Variants in SAMD4A observed in about 807,000 individuals in gnomAD.
SAMD4A encodes the protein sterile alpha motif domain containing 4A.
A neutral mutation model predicts 81.3 loss-of-function variants in SAMD4A; 33 were observed. That is an observed-to-expected ratio of 0.41 (90% confidence interval 0.31 to 0.54). The LOEUF is 0.54. SAMD4A is among the 20% of genes least tolerant of loss of function. The probability of loss-of-function intolerance (pLI) is 0.37; values close to 1 mark genes in which losing one functional copy is unlikely to be tolerated. For synonymous variants in SAMD4A, 389 were observed against 382.1 expected, an observed-to-expected ratio of 1.02 and a Z score of -0.21; for missense variants, 854 against 951.1, an observed-to-expected ratio of 0.90 and a Z score of 1.34.
chr14:54,705,569 AGTTTTT>A (rs10590246), intron 3 of SAMD4A, among the ~76,000 whole-genome samples: 103,570 of 151,300 alleles, frequency 0.68, 36,034 homozygotes, highest in Admixed American at 0.74. Flanking sequence ...CCACCTCCTT[AGTTTTT>A]GTTTTTGTTT....
intron 2 of SAMD4A, among the ~76,000 whole-genome samples, chr14:54,603,503 T>C (rs1189519249): frequency 3.3e-5 from 5 of 152,238 alleles, no homozygotes; most frequent in African/African-American, 1.2e-4. Context: ...CCCAGTTCTG[T>C]TCTGAGTCCA....
chr14:54,659,389 T>C (rs1377112549), intron 2 of SAMD4A, among the ~76,000 whole-genome samples: 7 of 151,610 alleles, frequency 4.6e-5, no homozygotes, highest in African/African-American at 1.7e-4. Context: ...ATCAGAGCTC[T>C]GTGTGTGTGT....
chr14:54,670,424 C>T (rs997609959), intron 2 of SAMD4A, among the ~76,000 whole-genome samples: 5 of 152,142 alleles, frequency 3.3e-5, no homozygotes, highest in African/African-American at 7.2e-5. Flanking sequence ...TTACAGAAAG[C>T]GAAGCTCCTT....
chr14:54,598,039 A>G (rs1302824056), intron 2 of SAMD4A, among the ~76,000 whole-genome samples: 1 of 152,184 alleles, frequency 6.6e-6, no homozygotes, highest in Non-Finnish European at 1.5e-5. Flanking sequence ...TGGAAGATGC[A>G]CTTCTCTACA....
chr14:54,788,476 CCCT>C (rs2039196074), intron 12 of SAMD4A, among the ~76,000 whole-genome samples: 1 of 152,168 alleles, frequency 6.6e-6, no homozygotes, highest in South Asian at 2.1e-4. Context: ...ACCATCCCCA[CCCT>C]CCTCCTCCTG....
chr14:54,572,043 A>G (rs764286407), intron 2 of SAMD4A, among the ~76,000 whole-genome samples: 1 of 151,940 alleles, frequency 6.6e-6, no homozygotes, highest in African/African-American at 2.4e-5. Flanking sequence ...TAGTTTTTTC[A>G]TTCATTTATT....
chr14:54,724,003 TGGATGGAAGGAAGGAAGGAA>T (rs1161023410), intron 3 of SAMD4A, among the ~76,000 whole-genome samples: 1 of 56,458 alleles, frequency 1.8e-5, no homozygotes, highest in African/African-American at 4.8e-5. Flanking sequence ...GATGGATGGA[TGGATGGAAGGAAGGAAGGAA>T]GGAAGGAAGG....
At chr14:54,784,269 T>C in intron 11 of SAMD4A, 1 of 1,255,824 alleles carries the variant, frequency 8.0e-7, no homozygotes, top group Non-Finnish European at 1.1e-6. Flanking sequence ...GGGAGGCCGC[T>C]GGAGGGTTCT....
At chr14:54,717,783 T>A (rs2037156334) in intron 3 of SAMD4A, among the ~76,000 whole-genome samples, 1 of 152,090 alleles carries the variant, frequency 6.6e-6, no homozygotes, top group Admixed American at 6.5e-5. Context: ...AGATCCTAAA[T>A]TCAAGGTAAG....
At chr14:54,621,605 A>AC (rs1018852173) in intron 2 of SAMD4A, among the ~76,000 whole-genome samples, 1 of 145,758 alleles carries the variant, frequency 6.9e-6, no homozygotes, top group African/African-American at 2.6e-5. Flanking sequence ...CAAGCTATCC[A>AC]CCCGCCTCAG....
intron 2 of SAMD4A, among the ~76,000 whole-genome samples, chr14:54,642,035 T>C (rs1281535788): frequency 3.3e-5 from 5 of 152,182 alleles, no homozygotes; most frequent in Admixed American, 1.3e-4. Flanking sequence ...TGACCTCAAG[T>C]GATCCACCCG....
Position 54,792,216 on chromosome 14 carries a change from G to T in SAMD4A, c.*3272G>T, listed in dbSNP as rs2140010101. The T allele has an allele frequency of 6.6e-6, 1 of 152,242 alleles. No individual in the cohort carries two copies. 9.4% of individuals were successfully genotyped at this position (152,242 alleles called of 1,614,324 possible). A position where few individuals can be genotyped will look rare whatever the true frequency, so the allele number is the denominator to read the frequency against. ...CCAGCAAGCAAAATAGATGTGGCTG[G>T]GTCTGCCTGTCCGGGCGGCTCTTTG... is the stretch of plus-strand genomic sequence containing the variant. On this transcript the variant is annotated 3_prime_UTR_variant, in exon 13 of 13. Coordinates refer to ENST00000554335, the MANE Select transcript of SAMD4A (RefSeq NM_015589.6).
At chr14:54,729,816 G>A (rs941976971) in intron 3 of SAMD4A, among the ~76,000 whole-genome samples, 5 of 152,196 alleles carry the variant, frequency 3.3e-5, no homozygotes, top group African/African-American at 1.2e-4. Flanking sequence ...TGAGAGGATT[G>A]AGGTAGTGTC....
intron 2 of SAMD4A, among the ~76,000 whole-genome samples, chr14:54,626,146 G>A (rs756633987): frequency 6.6e-6 from 1 of 151,870 alleles, no homozygotes; most frequent in Non-Finnish European, 1.5e-5. Flanking sequence ...TAGCTTCCAG[G>A]AGGTCAGGAA....
At chr14:54,685,855 T>G in intron 2 of SAMD4A, 1 of 456,682 alleles carries the variant, frequency 2.2e-6, no homozygotes, top group Non-Finnish European at 4.4e-6. Context: ...AAGGAAGTGG[T>G]GTCAGATCAG....
Position 54,715,155 on chromosome 14 carries a change from G to T in SAMD4A, c.715+12575G>T, listed in dbSNP as rs184123551. On this transcript the variant is annotated intron_variant, in intron 3 of 12. Transcript: ENST00000554335. ...AATGAGGCTCTGTACACACATTCAG[G>T]CCAGGGAAGTGTGACCAGTCCCAAG... Among the ~76,000 whole-genome samples the T allele has an allele frequency of 4.3e-4, 66 of 152,072 alleles. No individual in the cohort carries two copies. The South Asian group carries it at 0.011, about 26-fold the overall frequency.
At chr14:54,697,360 C>T (rs1379259509) in intron 2 of SAMD4A, among the ~76,000 whole-genome samples, 2 of 152,168 alleles carry the variant, frequency 1.3e-5, no homozygotes, top group East Asian at 1.9e-4. Flanking sequence ...TTGTCCTTGT[C>T]GGCAGGCCTC....
intron 2 of SAMD4A, among the ~76,000 whole-genome samples, chr14:54,619,797 A>G (rs1594742489): frequency 6.6e-6 from 1 of 152,194 alleles, no homozygotes; most frequent in Non-Finnish European, 1.5e-5. Flanking sequence ...AGCTCCATCC[A>G]TGTTCCTGCG....
At chr14:54,613,135 A>AAAG (rs2034403095) in intron 2 of SAMD4A, among the ~76,000 whole-genome samples, 1 of 104,098 alleles carries the variant, frequency 9.6e-6, no homozygotes, top group Non-Finnish European at 2.0e-5. Flanking sequence ...AGAGAGAGAG[A>AAAG]GAAAGGAAGG....
Sources: gnomAD v4.1 joint callset for allele counts (sites outside exome capture counted in the v4.1 genomes callset) on GRCh38, gnomAD v4.1.1 for gene constraint, MANE v1.5 for transcripts, NCBI Gene and HGNC (gene_info 2026-07-23, HGNC 2026-07-21) for gene names.